Variants in PSD3 observed in about 807,000 individuals in gnomAD.
PSD3 encodes the protein PH and SEC7 domain-containing protein 3.
In PSD3, 49 loss-of-function variants were observed where a neutral mutation model predicts 105.5. The observed-to-expected ratio is 0.46, with a 90% CI of 0.37 to 0.59. The LOEUF is 0.59. Among genes scored for constraint, PSD3 ranks in the 20% least tolerant of loss-of-function variants. The pLI is 0.00. For missense variants in PSD3, 1,561 were observed against 1,263.8 expected (o/e 1.24, Z -3.57); for synonymous variants, 557 against 457.8 (o/e 1.22, Z -2.77).
At chr8:18,986,156 T>C (rs768164947) in intron 1 of PSD3, among the ~76,000 whole-genome samples, 9 of 152,194 alleles carry the variant, frequency 5.9e-5, no homozygotes, top group Admixed American at 4.6e-4. Flanking sequence ...ATAATTTTGA[T>C]GCTTTCACAT....
intron 15 of PSD3, among the ~76,000 whole-genome samples, chr8:18,548,934 C>A (rs1800604063): frequency 6.6e-6 from 1 of 152,166 alleles, no homozygotes; most frequent in Non-Finnish European, 1.5e-5. Context: ...CTCAACCACT[C>A]AGCTGTGCTG....
intron 12 of PSD3, among the ~76,000 whole-genome samples, chr8:18,581,828 G>A (rs1266900273): frequency 6.6e-6 from 1 of 152,090 alleles, no homozygotes; most frequent in Non-Finnish European, 1.5e-5. Context: ...TTTTGTAAAG[G>A]GATCTGACAT....
rs1806380016 is a variant in PSD3, at chr8:18,625,057, T to C, written c.2410+7556A>G. ...AGCTGCTTTTATAAATCTTAAGAATTCACTTTCTACCCAAAAGTCATGAAG... is the reference window on the plus strand; with the variant it reads ...AGCTGCTTTTATAAATCTTAAGAATCCACTTTCTACCCAAAAGTCATGAAG... On this transcript the variant is annotated intron_variant, in intron 11 of 15. Coordinates refer to ENST00000327040, the MANE Select transcript of PSD3 (RefSeq NM_015310.4). 2.0e-5 allele frequency among the ~76,000 whole-genome samples: 3 copies of C among 152,182 alleles called. No individual in the cohort carries two copies. In the South Asian group the frequency reaches 6.2e-4, roughly 32 times the overall value.
At chr8:18,803,854 G>A (rs756895851) in intron 6 of PSD3, among the ~76,000 whole-genome samples, 3 of 152,026 alleles carry the variant, frequency 2.0e-5, no homozygotes, top group South Asian at 2.1e-4. Context: ...GGAGATGGAC[G>A]GTGGTGACGG....
chr8:18,831,983 C>A (rs1327646065), intron 4 of PSD3, among the ~76,000 whole-genome samples: 1 of 152,204 alleles, frequency 6.6e-6, no homozygotes, highest in Non-Finnish European at 1.5e-5. Context: ...GTATTAACTT[C>A]TGAAAACATT....
At chr8:19,048,248 GC>G (rs1364226869) in intron 1 of PSD3, among the ~76,000 whole-genome samples, 5 of 152,072 alleles carry the variant, frequency 3.3e-5, no homozygotes, top group Non-Finnish European at 7.4e-5. Context: ...AAGAGAGGTG[GC>G]CCCACCCTCT....
intron 15 of PSD3, among the ~76,000 whole-genome samples, chr8:18,551,493 G>C (rs191199386): frequency 9.9e-5 from 15 of 152,192 alleles, no homozygotes; most frequent in Non-Finnish European, 1.5e-4. Context: ...TCAGAAAAAG[G>C]TGCATCATGC....
chr8:18,805,518 C>G (rs1367109562), intron 4 of PSD3, among the ~76,000 whole-genome samples: 1 of 152,020 alleles, frequency 6.6e-6, no homozygotes, highest in East Asian at 1.9e-4. Context: ...GATACAACAC[C>G]AAAGTGAGAC....
chr8:19,084,751 T>G, upstream of PSD3: 1 of 294,412 alleles, frequency 3.4e-6, no homozygotes, highest in South Asian at 3.2e-5. Flanking sequence ...TGCAGCAGCC[T>G]CAAAGGAGGG....
At chr8:18,821,717 A>ACACCCC (rs1554513425) in intron 4 of PSD3, among the ~76,000 whole-genome samples, 5 of 141,228 alleles carry the variant, frequency 3.5e-5, no homozygotes, top group Admixed American at 2.8e-4. Context: ...ACACACACAC[A>ACACCCC]CCCCAATAAC....
Position 18,772,415 on chromosome 8 carries a change from T to C in PSD3, c.2083-6877A>G, listed in dbSNP as rs567186215. Among the ~76,000 whole-genome samples the C allele has an allele frequency of 7.9e-5, 12 of 152,318 alleles. No individual in the cohort carries two copies. In the South Asian group the frequency reaches 2.5e-3, roughly 32 times the overall value. On this transcript the variant is annotated intron_variant, in intron 8 of 15. Transcript: ENST00000327040. ...TTTCTATTTTTTTTGATAGCAATGA[T>C]CGTAGTGGGTATCAGGTGATACCCA... is the stretch of plus-strand genomic sequence containing the variant.
intron 1 of PSD3, among the ~76,000 whole-genome samples, chr8:18,998,765 T>C (rs892163560): frequency 1.3e-5 from 2 of 151,948 alleles, no homozygotes; most frequent in African/African-American, 2.4e-5. Context: ...CAGGCTAATA[T>C]AATGGACTTT....
At chr8:18,740,384 A>G (rs77201473) in intron 9 of PSD3, among the ~76,000 whole-genome samples, 2,350 of 152,262 alleles carry the variant, frequency 0.015, 45 homozygotes, top group Middle Eastern at 0.048. Flanking sequence ...GACAGCTTGC[A>G]GTGACCTTCC....
chr8:18,690,736 A>G (rs1800928652), intron 9 of PSD3, among the ~76,000 whole-genome samples: 1 of 152,216 alleles, frequency 6.6e-6, no homozygotes, highest in Non-Finnish European at 1.5e-5. Flanking sequence ...CTTGGCCCAC[A>G]GTGCCGGGCT....
intron 1 of PSD3, among the ~76,000 whole-genome samples, chr8:18,949,207 T>C (rs1250724733): frequency 1.2e-5 from 1 of 80,662 alleles, no homozygotes; most frequent in South Asian, 4.7e-4. Flanking sequence ...GGGCTACAGA[T>C]CGAGACTCTG....
intron 2 of PSD3, among the ~76,000 whole-genome samples, chr8:18,925,467 A>T (rs904375845): frequency 8.8e-4 from 134 of 152,122 alleles, no homozygotes; most frequent in Non-Finnish European, 1.6e-3. Flanking sequence ...ATGTTAAAAA[A>T]TGGGCAAAGA....
chr8:18,997,903 A>C lies in PSD3; in HGVS notation c.21+15660T>G, dbSNP rs528647417. ...GCCTTATTTTTCCCTGAAGGGCTTC[A>C]CACTGTCAACATACTACACACACGC... On this transcript the variant is annotated intron_variant, in intron 1 of 15. Coordinates refer to ENST00000327040, the MANE Select transcript of PSD3 (RefSeq NM_015310.4). Among the ~76,000 whole-genome samples the C allele has an allele frequency of 9.9e-5, 15 of 152,126 alleles. 1 individual carries two copies. Among genetic ancestry groups the C allele is most frequent in the African/African-American group, 3.6e-4 (15 of 41,482 alleles).
At chr8:18,604,865 T>C (rs1307524067) in intron 11 of PSD3, among the ~76,000 whole-genome samples, 1 of 152,208 alleles carries the variant, frequency 6.6e-6, no homozygotes, top group African/African-American at 2.4e-5. Flanking sequence ...TTTAGTGGCT[T>C]CCATGTGGTT....
intron 4 of PSD3, among the ~76,000 whole-genome samples, chr8:18,855,391 CATAAT>C (rs1332730207): frequency 6.6e-6 from 1 of 151,986 alleles, no homozygotes; most frequent in Admixed American, 6.6e-5. Context: ...TGCTGTTTGA[CATAAT>C]ATGACAGTCA....
Sources: gnomAD v4.1 joint callset for allele counts (sites outside exome capture counted in the v4.1 genomes callset) on GRCh38, gnomAD v4.1.1 for gene constraint, MANE v1.5 for transcripts, NCBI Gene and HGNC (gene_info 2026-07-23, HGNC 2026-07-21) for gene names.